The following UGT3A2 variants were observed in gnomAD, a reference collection of about 807,000 sequenced individuals.
UGT3A2 encodes the protein UDP-glycosyltransferase 3A2.
A neutral mutation model predicts 39.8 loss-of-function variants in UGT3A2; 32 were observed. That is an observed-to-expected ratio of 0.80 (90% confidence interval 0.61 to 1.08). UGT3A2 has a LOEUF of 1.08. Ranked by LOEUF, UGT3A2 falls within the 50% of genes least tolerant of loss-of-function variation. UGT3A2 has a pLI of 0.00. For synonymous variants in UGT3A2, 241 were observed against 230.7 expected (o/e 1.04, Z -0.40); for missense variants, 611 against 637.1 (o/e 0.96, Z 0.44).
At chr5:36,066,577 C>G in intron 1 of UGT3A2, 119 bp downstream of exon 1, 1 of 1,554,518 alleles carries the variant, frequency 6.4e-7, no homozygotes, top group Non-Finnish European at 8.8e-7. Flanking sequence ...CCAGCCGGGT[C>G]CGCAAGCCCA....
rs749801006 is a variant in UGT3A2, at chr5:36,037,952, C to A, written c.1140G>T (p.Gln380His). The change falls in exon 6 of 7, where the codon CAG (glutamine) becomes CAT (histidine). Residue 380 changes from glutamine to histidine, a missense_variant. Gln to His is a conservative substitution (Grantham distance 24). Coordinates refer to ENST00000282507, the MANE Select transcript of UGT3A2 (RefSeq NM_174914.4). The part of the protein sequence containing the change: ...GGQNSIMEAI[Q>H]HGVPMVGIPL... ...GGATCCCCACCATGGGCACACCATG[C>A]TGGATGGCCTCCATTATGCTATTCT... 2.9e-5 allele frequency: 46 copies of A among 1,613,968 alleles called. No individual in the cohort carries two copies. Among genetic ancestry groups the A allele is most frequent in the Non-Finnish European group, 3.4e-5 (40 of 1,179,998 alleles).
intron 4 of UGT3A2, among the ~76,000 whole-genome samples, chr5:36,047,553 C>T (rs561418230): frequency 6.6e-6 from 1 of 152,330 alleles, no homozygotes; most frequent in East Asian, 1.9e-4. Context: ...ATACCACTTA[C>T]CATTCCCAAG....
At chr5:36,058,694 C>T (rs926455596) in intron 2 of UGT3A2, among the ~76,000 whole-genome samples, 1 of 152,216 alleles carries the variant, frequency 6.6e-6, no homozygotes, top group East Asian at 1.9e-4. Flanking sequence ...GCTGCCTTTG[C>T]TCACTAGAAA....
chr5:36,054,455 T>C (rs572310532), intron 2 of UGT3A2, among the ~76,000 whole-genome samples: 22 of 152,246 alleles, frequency 1.4e-4, no homozygotes, highest in African/African-American at 4.8e-4. Context: ...TATTATCAAT[T>C]CAAAGTGAAA....
At chr5:36,059,442 T>A (rs911221373) in intron 2 of UGT3A2, among the ~76,000 whole-genome samples, 1 of 148,194 alleles carries the variant, frequency 6.7e-6, no homozygotes, top group Non-Finnish European at 1.5e-5. Context: ...TTGCCCCACC[T>A]ATAACACCTA....
chr5:36,053,337 C>A (rs1210371524), intron 2 of UGT3A2, among the ~76,000 whole-genome samples: 1 of 152,200 alleles, frequency 6.6e-6, no homozygotes, highest in Non-Finnish European at 1.5e-5. Flanking sequence ...AATTATTGAG[C>A]ATCTCTGTGC....
chr5:36,063,317 A>G (rs899678044), intron 2 of UGT3A2, among the ~76,000 whole-genome samples: 5 of 152,198 alleles, frequency 3.3e-5, no homozygotes, highest in Non-Finnish European at 7.3e-5. Flanking sequence ...TTAAGTTCTC[A>G]GGGTTTCTGT....
At chr5:36,047,358 G>A (rs56339213) in intron 4 of UGT3A2, among the ~76,000 whole-genome samples, 3,861 of 152,298 alleles carry the variant, frequency 0.025, 71 homozygotes, top group Non-Finnish European at 0.039. Flanking sequence ...TGAGACCAGC[G>A]TCATATATTT....
chr5:36,042,245 GAA>G, intron 4 of UGT3A2, among the ~76,000 whole-genome samples: 1 of 151,936 alleles, frequency 6.6e-6, no homozygotes, highest in South Asian at 2.1e-4. Flanking sequence ...ATAAAGTGTA[GAA>G]TTTTTATTAC....
intron 2 of UGT3A2, among the ~76,000 whole-genome samples, chr5:36,054,501 A>G (rs1270972981): frequency 6.6e-6 from 1 of 152,188 alleles, no homozygotes; most frequent in Non-Finnish European, 1.5e-5. Flanking sequence ...GGAATTCCCA[A>G]ATCACATCAT....
chr5:36,062,178 C>A (rs1343402325), intron 2 of UGT3A2, among the ~76,000 whole-genome samples: 3 of 150,350 alleles, frequency 2.0e-5, no homozygotes, highest in Non-Finnish European at 3.0e-5. Flanking sequence ...AAAATTTTCT[C>A]CCATTTTGTA....
intron 5 of UGT3A2, among the ~76,000 whole-genome samples, chr5:36,038,716 C>A (rs889704695): frequency 6.6e-6 from 1 of 152,204 alleles, no homozygotes; most frequent in Non-Finnish European, 1.5e-5. Flanking sequence ...GGCATATGCC[C>A]TACCCCAGAA....
chr5:36,048,826 C>T lies in UGT3A2; in HGVS notation c.843+63G>A, dbSNP rs1416169174. 2.6e-6 allele frequency: 4 copies of T among 1,559,958 alleles called. 1 individual carries two copies. The highest frequency in any genetic ancestry group is 1.8e-5 in the Admixed American group (1 of 54,538). ...TCAGGATCCTACTGGCAAGTGGCAG[C>T]CACCAACTATGCACTGAAGGCCTCT... is the stretch of plus-strand genomic sequence containing the variant. On this transcript the variant is annotated intron_variant, in intron 4 of 6. Coordinates refer to ENST00000282507, the MANE Select transcript of UGT3A2 (RefSeq NM_174914.4).
At position 36,035,905 on chromosome 5, in the gene UGT3A2, C is replaced by T; in HGVS notation, c.1365G>A (p.Leu455=). 2 of 1,614,194 alleles carry T rather than the reference C, an allele frequency of 1.2e-6. No homozygotes were observed. Among genetic ancestry groups the T allele is most frequent in the Non-Finnish European group, 1.7e-6 (2 of 1,180,034 alleles). Residue 455 remains leucine, a synonymous_variant, in exon 7 of 7, where the codon CTG becomes CTA. Transcript: ENST00000282507. ...RSHPLSPTQR[L]VGWIDHVLQT... ...GGAGGACGTGGTCAATCCAGCCCAC[C>T]AGCCGCTGTGTGGGGCTGAGCGGGT...
chr5:36,061,510 G>A (rs933447381), intron 2 of UGT3A2, among the ~76,000 whole-genome samples: 20 of 151,132 alleles, frequency 1.3e-4, no homozygotes, highest in Non-Finnish European at 2.6e-4. Flanking sequence ...TTGTTCTTGT[G>A]ATAGTTTACT....
chr5:36,035,902 C>T lies in UGT3A2; in HGVS notation c.1368G>A (p.Val456=). ...SHPLSPTQRL[V]GWIDHVLQTG... is the part of the protein sequence containing the mutation. ...TCTGGAGGACGTGGTCAATCCAGCC[C>T]ACCAGCCGCTGTGTGGGGCTGAGCG... is the stretch of plus-strand genomic sequence containing the variant. Residue 456 remains valine (V), a synonymous_variant, in exon 7 of 7, where the codon GTG becomes GTA. Coordinates refer to ENST00000282507, the MANE Select transcript of UGT3A2 (RefSeq NM_174914.4). 2 of 1,614,180 alleles carry T rather than the reference C, an allele frequency of 1.2e-6. No homozygotes were observed. The highest frequency in any genetic ancestry group is 1.7e-6 in the Non-Finnish European group (2 of 1,180,032).
intron 4 of UGT3A2, among the ~76,000 whole-genome samples, chr5:36,045,513 A>C (rs1328416664): frequency 6.6e-6 from 1 of 151,920 alleles, no homozygotes; most frequent in African/African-American, 2.4e-5. Context: ...GAATCGCTTG[A>C]ATCCAGGAGG....
chr5:36,041,641 G>T (rs1045699195), intron 4 of UGT3A2, among the ~76,000 whole-genome samples: 1 of 152,178 alleles, frequency 6.6e-6, no homozygotes, highest in African/African-American at 2.4e-5. Context: ...GACCACCAAG[G>T]TGGTACTTCT....
intron 2 of UGT3A2, among the ~76,000 whole-genome samples, chr5:36,056,174 T>C (rs1200601270): frequency 6.6e-6 from 1 of 152,218 alleles, no homozygotes; most frequent in African/African-American, 2.4e-5. Flanking sequence ...CCTCTCTGCT[T>C]GTCACTTGTA....
Sources: allele counts gnomAD v4.1 joint callset (sites outside exome capture counted in the v4.1 genomes callset), GRCh38; gene constraint gnomAD v4.1.1; transcripts MANE v1.5; gene names NCBI Gene and HGNC (gene_info 2026-07-23, HGNC 2026-07-21).